The following HPSE2 variants were observed in gnomAD, a reference collection of about 807,000 sequenced individuals.
HPSE2 encodes the protein inactive heparanase-2.
A neutral mutation model predicts 60.5 loss-of-function variants in HPSE2; 38 were observed. That is an observed-to-expected ratio of 0.63 (90% CI 0.48 to 0.82). The LOEUF (loss-of-function observed/expected upper bound fraction) is 0.82. HPSE2 is among the 40% of genes least tolerant of loss of function. HPSE2 has a pLI of 0.00. For synonymous variants in HPSE2, 295 were observed against 293.2 expected (o/e 1.01, Z -0.06); for missense variants, 713 against 740.4 (o/e 0.96, Z 0.43).
chr10:98,708,317 G>A (rs547703346), intron 5 of HPSE2, among the ~76,000 whole-genome samples: 7 of 151,940 alleles, frequency 4.6e-5, no homozygotes, highest in African/African-American at 9.7e-5. Flanking sequence ...TTAGCTGGGC[G>A]TGGTGGTGGG....
chr10:98,586,302 T>C (rs1281191872), intron 9 of HPSE2, among the ~76,000 whole-genome samples: 1 of 152,166 alleles, frequency 6.6e-6, no homozygotes, highest in East Asian at 1.9e-4. Flanking sequence ...TGGAGTGCTC[T>C]TTTCCCTCTT....
At chr10:98,492,293 G>C (rs2147899) in intron 9 of HPSE2, among the ~76,000 whole-genome samples, 128,444 of 152,008 alleles carry the variant, frequency 0.84, 56,055 homozygotes, top group East Asian at 0.96. Flanking sequence ...ACGAGGTCAG[G>C]AGATCGAGAC....
At chr10:98,940,783 A>C (rs1444286108) in intron 3 of HPSE2, among the ~76,000 whole-genome samples, 1 of 142,280 alleles carries the variant, frequency 7.0e-6, no homozygotes, top group Non-Finnish European at 1.5e-5. Flanking sequence ...ACAACCAAAA[A>C]AGAGAATTTT....
chr10:99,115,081 T>A (rs1844628342), intron 3 of HPSE2, among the ~76,000 whole-genome samples: 1 of 151,218 alleles, frequency 6.6e-6, no homozygotes, highest in Admixed American at 6.6e-5. Flanking sequence ...CTCCTCAGCT[T>A]CAAGGGATCC....
chr10:99,244,778 T>A, the HPSE2 span, among the ~76,000 whole-genome samples: 1 of 152,076 alleles, frequency 6.6e-6, no homozygotes, highest in South Asian at 2.1e-4. Context: ...GGCTTACCAC[T>A]GATTCATTCC....
intron 3 of HPSE2, among the ~76,000 whole-genome samples, chr10:99,117,409 GT>G (rs769146444): frequency 0.01 from 281 of 27,868 alleles, 9 homozygotes; most frequent in East Asian, 0.076. Flanking sequence ...TCCAAGAGTT[GT>G]TTTTTTGAAA....
intron 7 of HPSE2, among the ~76,000 whole-genome samples, chr10:98,625,699 G>C (rs1162052469): frequency 6.6e-6 from 1 of 152,114 alleles, no homozygotes; most frequent in Non-Finnish European, 1.5e-5. Context: ...TAAGAATTAA[G>C]TTCCTATGAC....
At chr10:98,906,799 G>C (rs1030491509) in intron 3 of HPSE2, among the ~76,000 whole-genome samples, 2 of 151,958 alleles carry the variant, frequency 1.3e-5, no homozygotes, top group Admixed American at 1.3e-4. Flanking sequence ...AGCTACTTGG[G>C]AGGCTGAGGC....
At chr10:99,085,927 T>A (rs1843300243) in intron 3 of HPSE2, among the ~76,000 whole-genome samples, 2 of 152,220 alleles carry the variant, frequency 1.3e-5, no homozygotes, top group South Asian at 4.1e-4. Flanking sequence ...TTCAGGGTTA[T>A]CACTCCACCT....
At chr10:98,920,862 T>C (rs1051745445) in intron 3 of HPSE2, among the ~76,000 whole-genome samples, 3 of 152,112 alleles carry the variant, frequency 2.0e-5, no homozygotes, top group African/African-American at 7.2e-5. Context: ...CATAGTCTCC[T>C]CTGGAGTACA....
At chr10:98,649,751 AT>A (rs1946868309) in intron 6 of HPSE2, among the ~76,000 whole-genome samples, 1 of 152,156 alleles carries the variant, frequency 6.6e-6, no homozygotes, top group South Asian at 2.1e-4. Flanking sequence ...TGTTTTAGTA[AT>A]TGTTATATAA....
chr10:99,186,268 G>C (rs185415321), intron 2 of HPSE2, among the ~76,000 whole-genome samples: 5 of 151,946 alleles, frequency 3.3e-5, no homozygotes, highest in Non-Finnish European at 7.4e-5. Context: ...TTGCAGACCG[G>C]GCATGGTGGC....
chr10:99,223,085 T>C (rs1343004790), intron 2 of HPSE2, among the ~76,000 whole-genome samples: 1 of 152,178 alleles, frequency 6.6e-6, no homozygotes, highest in Non-Finnish European at 1.5e-5. Flanking sequence ...TAATACTTCA[T>C]AGCAGAGGCT....
At chr10:99,001,172 T>C (rs1204079546) in intron 3 of HPSE2, among the ~76,000 whole-genome samples, 1 of 152,140 alleles carries the variant, frequency 6.6e-6, no homozygotes, top group Non-Finnish European at 1.5e-5. Flanking sequence ...TGTTGAAGTG[T>C]GAAAACCATA....
chr10:98,721,671 G>A lies in HPSE2; in HGVS notation c.942C>T (p.Ile314=), dbSNP rs142810016. Residue 314 remains isoleucine, a synonymous_variant, in exon 5 of 12, where the codon ATC becomes ATT. Transcript: ENST00000370552. ...PNIGRPRKNV[I]ALLDGFMKVA... ...ATCTGACCTACCCATCTAGGAGGGC[G>A]ATGACATTCTTCCTCGGCCGCCCAA... 21 of 1,613,410 alleles carry A rather than the reference G, an allele frequency of 1.3e-5. No individual in the cohort carries two copies. Among genetic ancestry groups the A allele is most frequent in the Admixed American group, 1.7e-5 (1 of 59,898 alleles).
rs75379169 is a variant in HPSE2 at position 98,757,600 on chromosome 10, T to C, written c.611-13544A>G. Among the ~76,000 whole-genome samples, 528 of 152,088 alleles carry C rather than the reference T, an allele frequency of 3.5e-3. 15 individuals are homozygous for C. In the East Asian group the frequency reaches 0.088, roughly 25 times the overall value. On this transcript the variant is annotated intron_variant, in intron 3 of 11. Coordinates refer to ENST00000370552, the MANE Select transcript of HPSE2 (RefSeq NM_021828.5). Reference sequence around the variant, plus strand: ...ATTCACCATAGCCATAAAAAAATTATAAAATACCTAGGAAGACAGCTAACC... The same window carrying C: ...ATTCACCATAGCCATAAAAAAATTACAAAATACCTAGGAAGACAGCTAACC...
intron 6 of HPSE2, among the ~76,000 whole-genome samples, chr10:98,676,264 A>G (rs574976589): frequency 6.6e-6 from 1 of 152,154 alleles, no homozygotes; most frequent in Non-Finnish European, 1.5e-5. Context: ...GCAGGGAGAT[A>G]CCTGTGAACA....
chr10:98,713,284 G>A (rs1301177155), intron 5 of HPSE2, among the ~76,000 whole-genome samples: 1 of 152,012 alleles, frequency 6.6e-6, no homozygotes, highest in Non-Finnish European at 1.5e-5. Flanking sequence ...AGTCATTAAA[G>A]CATCTTTAGC....
At chr10:99,014,036 A>C (rs766188077) in intron 3 of HPSE2, 79 of 227,008 alleles carry the variant, frequency 3.5e-4, no homozygotes, top group Middle Eastern at 3.1e-3. Flanking sequence ...AGAGAGACAC[A>C]CTGGAGCCTC....
Sources: allele counts gnomAD v4.1 joint callset (sites outside exome capture counted in the v4.1 genomes callset), GRCh38; gene constraint gnomAD v4.1.1; transcripts MANE v1.5; gene names NCBI Gene and HGNC (gene_info 2026-07-23, HGNC 2026-07-21).